The following STRBP variants were observed in gnomAD, a reference collection of about 807,000 sequenced individuals.
STRBP encodes the protein spermatid perinuclear RNA-binding protein.
In STRBP, 13 loss-of-function variants were observed where a neutral mutation model predicts 80.1. The observed-to-expected ratio is 0.16, with a 90% confidence interval of 0.11 to 0.26. The LOEUF (loss-of-function observed/expected upper bound fraction) is 0.26. Among genes scored for constraint, STRBP ranks in the 10% least tolerant of loss-of-function variants. The probability of loss-of-function intolerance (pLI) is 1.00; values close to 1 mark genes in which losing one functional copy is unlikely to be tolerated. For missense variants in STRBP, 485 were observed against 815.2 expected, an observed-to-expected ratio of 0.59 and a Z score of 4.93; for synonymous variants, 284 against 291.2, an observed-to-expected ratio of 0.98 and a Z score of 0.25.
rs994589454 is a variant in STRBP at position 123,136,600 on chromosome 9, G to A, written c.1498-85C>T. 2.7e-6 allele frequency: 4 copies of A among 1,488,152 alleles called. No homozygotes were observed. The highest frequency in any genetic ancestry group is 2.2e-5 in the Admixed American group (1 of 45,642). The allele number at this position is 1,488,152 out of a possible 1,614,324, so 92.2% of individuals were successfully genotyped here. A position where few individuals can be genotyped will look rare whatever the true frequency, so the allele number is the denominator to read the frequency against. On this transcript the variant is annotated intron_variant, in intron 14 of 18. Coordinates refer to ENST00000348403, the MANE Select transcript of STRBP (RefSeq NM_018387.5). The surrounding 1 kb of genome is among the most constrained non-coding windows in gnomAD (Gnocchi z 4.2). The stretch of plus-strand genomic sequence containing the variant: ...TTATTAATACAATTATGCTAAGAAG[G>A]AGGCTCAAAAATTCTACTTCAAAGC...
intron 3 of STRBP, chr9:123,113,641 C>G (rs761722298): frequency 1.2e-5 from 2 of 167,184 alleles, no homozygotes; most frequent in African/African-American, 4.8e-5. Flanking sequence ...AGTGCTCACA[C>G]GGAGGAGATG....
At chr9:123,132,641 C>T (rs528744927) in intron 17 of STRBP, among the ~76,000 whole-genome samples, 1 of 152,298 alleles carries the variant, frequency 6.6e-6, no homozygotes, top group South Asian at 2.1e-4. Context: ...CTGTCATCTC[C>T]CTCCAGGTAG....
chr9:123,196,504 A>T (rs1196096841), intron 2 of STRBP, among the ~76,000 whole-genome samples: 1 of 152,148 alleles, frequency 6.6e-6, no homozygotes, highest in African/African-American at 2.4e-5. Flanking sequence ...TTAATAACCA[A>T]AATATACAGG....
In STRBP at chr9:123,152,124, T is replaced by C. The variant is rs141989903; in HGVS notation, c.1046-4254A>G. On this transcript the variant is annotated intron_variant, in intron 11 of 18. Transcript: ENST00000348403. ...CTGTCCTAAGAAGATGGAAGTCCTA[T>C]GCTTATTAAGGGAATCAGATCCGTA... is the stretch of plus-strand genomic sequence containing the variant. 5.5e-4 allele frequency among the ~76,000 whole-genome samples: 84 copies of C among 152,282 alleles called. 2 individuals carry two copies. The East Asian group carries it at 0.015, about 27-fold the overall frequency.
rs1035255937 is a variant in STRBP at position 123,248,264 on chromosome 9, T to G, written c.-301-11298A>C. 1.5e-4 allele frequency among the ~76,000 whole-genome samples: 21 copies of G among 138,642 alleles called. No homozygotes were observed. In the East Asian group the frequency reaches 4.2e-3, roughly 27 times the overall value. 91.0% of individuals were successfully genotyped at this position (138,642 alleles called of 152,430 possible). A position where few individuals can be genotyped will look rare whatever the true frequency, so the allele number is the denominator to read the frequency against. ...AGACTTCTCCCACCCCTATCGTGTT[T>G]TTTTTTTTTTTTTTTTTTTTTGAGA... On this transcript the variant is annotated intron_variant, in intron 1 of 18. Coordinates refer to ENST00000348403, the MANE Select transcript of STRBP (RefSeq NM_018387.5).
chr9:123,261,244 T>C (rs892647859), intron 1 of STRBP, among the ~76,000 whole-genome samples: 1 of 152,178 alleles, frequency 6.6e-6, no homozygotes, highest in Non-Finnish European at 1.5e-5. Context: ...GACTAAGCAT[T>C]ATCCCATTCA....
At chr9:123,204,219 G>C (rs545659395) in intron 2 of STRBP, among the ~76,000 whole-genome samples, 109 of 152,298 alleles carry the variant, frequency 7.2e-4, no homozygotes, top group Middle Eastern at 3.4e-3. Flanking sequence ...AAGCAGTAAA[G>C]AACAGATAAA....
intron 13 of STRBP, among the ~76,000 whole-genome samples, chr9:123,142,394 A>G (rs1344586128): frequency 6.6e-6 from 1 of 152,094 alleles, no homozygotes; most frequent in Non-Finnish European, 1.5e-5. Context: ...AGAAGTCACT[A>G]TGCTTTCTGT....
chr9:123,125,883 CA>C (rs1219918929), intron 18 of STRBP, among the ~76,000 whole-genome samples: 4 of 152,192 alleles, frequency 2.6e-5, no homozygotes, highest in Admixed American at 1.3e-4. Context: ...TTTCCACTCT[CA>C]AAATCAGGAT....
intron 5 of STRBP, among the ~76,000 whole-genome samples, chr9:123,171,072 C>T (rs919606473): frequency 6.6e-6 from 1 of 151,960 alleles, no homozygotes; most frequent in Non-Finnish European, 1.5e-5. Flanking sequence ...GATAAAAGAA[C>T]CAGAATATAA....
At chr9:123,250,964 A>G (rs1397025429) in intron 1 of STRBP, among the ~76,000 whole-genome samples, 1 of 152,110 alleles carries the variant, frequency 6.6e-6, no homozygotes, top group Non-Finnish European at 1.5e-5. Flanking sequence ...AAAACAAAAA[A>G]CAAAAAATTT....
At chr9:123,189,180 AC>A in intron 2 of STRBP, among the ~76,000 whole-genome samples, 1 of 151,768 alleles carries the variant, frequency 6.6e-6, no homozygotes, top group South Asian at 2.1e-4. Context: ...GAAGCTGGAA[AC>A]CATCATTCTC....
At position 123,110,418 on chromosome 9, in the gene STRBP, T is replaced by C. The variant is rs1484477751; in HGVS notation, c.*85-665A>G. 5.9e-6 allele frequency: 1 copy of C among 169,046 alleles called. No individual in the cohort carries two copies. Among genetic ancestry groups the C allele is most frequent in the African/African-American group, 2.4e-5 (1 of 41,476 alleles). The allele number at this position is 169,046 out of a possible 1,614,324, so 10.5% of individuals were successfully genotyped here. A position where few individuals can be genotyped will look rare whatever the true frequency, so the allele number is the denominator to read the frequency against. ...ACGATTGCCCTAATTTATGGTTACC[T>C]CAGGAAACCTTCTTTTGAAGAAGTG... On this transcript the variant is annotated intron_variant and NMD_transcript_variant, in intron 3 of 3. Coordinates refer to the STRBP transcript ENST00000471564. The surrounding 1 kb of genome is among the most constrained non-coding windows in gnomAD (Gnocchi z 4.1).
chr9:123,136,501 G>A lies in STRBP; in HGVS notation c.1512C>T (p.Gly504=). Reference sequence around the variant, plus strand: ...TTTTGCCACTTGCTGTGAGGATAGGGCCCTGAGTTCTTACCTATAAGAGAA... The same window carrying A: ...TTTTGCCACTTGCTGTGAGGATAGGACCCTGAGTTCTTACCTATAAGAGAA... ...TSSTLEVRTQ[G]PILTASGKNP... is the part of the protein sequence containing the mutation. The change falls in exon 15 of 19, where the codon GGC becomes GGT. Residue 504 remains glycine, a synonymous_variant. Transcript: ENST00000348403. This position sits in a 1 kb window ranked among gnomAD's most constrained non-coding sequence, Gnocchi z 4.2. 6.2e-7 allele frequency: 1 copy of A among 1,613,986 alleles called. No individual in the cohort carries two copies. The highest frequency in any genetic ancestry group is 8.5e-7 in the Non-Finnish European group (1 of 1,179,970).
intron 1 of STRBP, among the ~76,000 whole-genome samples, chr9:123,258,549 A>T (rs2041085869): frequency 6.6e-6 from 1 of 152,158 alleles, no homozygotes; most frequent in Admixed American, 6.5e-5. Flanking sequence ...CACGCCTGTA[A>T]TCCCAGCACT....
intron 2 of STRBP, among the ~76,000 whole-genome samples, chr9:123,188,660 C>T (rs2038799422): frequency 2.6e-5 from 4 of 151,968 alleles, no homozygotes; most frequent in Admixed American, 2.6e-4. Context: ...AAATAAAAAT[C>T]TCAAAACCAA....
rs117520184 is a variant in STRBP, at chr9:123,122,086, C to A, written c.*3511G>T. 5 of 211,686 alleles carry A rather than the reference C, an allele frequency of 2.4e-5. No homozygotes were observed. Among genetic ancestry groups the A allele is most frequent in the Non-Finnish European group, 4.8e-5 (5 of 103,984 alleles). 13.1% of individuals were successfully genotyped at this position (211,686 alleles called of 1,614,324 possible). On this transcript the variant is annotated 3_prime_UTR_variant, in exon 19 of 19. Coordinates refer to ENST00000348403, the MANE Select transcript of STRBP (RefSeq NM_018387.5). The stretch of plus-strand genomic sequence containing the variant: ...GACCATACAATTTTTAAAGGTAATG[C>A]GATGACATATGACCTAAGAGATCAA...
At position 123,124,881 on chromosome 9, in the gene STRBP, G is replaced by A; in HGVS notation, c.*716C>T. On this transcript the variant is annotated 3_prime_UTR_variant, in exon 19 of 19. Transcript: ENST00000348403. ...CCCTTGTACAACAGGAGTACAAAGG[G>A]CTTACAAAGTGAGTAGACTGGCTCA... 3 of 985,502 alleles carry A rather than the reference G, an allele frequency of 3.0e-6. No individual in the cohort carries two copies. The highest frequency in any genetic ancestry group is 3.6e-6 in the Non-Finnish European group (3 of 829,918). 61.0% of individuals were successfully genotyped at this position (985,502 alleles called of 1,614,324 possible). A position where few individuals can be genotyped will look rare whatever the true frequency, so the allele number is the denominator to read the frequency against.
chr9:123,262,878 A>G (rs1009285974), intron 1 of STRBP, among the ~76,000 whole-genome samples: 4 of 152,244 alleles, frequency 2.6e-5, no homozygotes, highest in African/African-American at 9.6e-5. Flanking sequence ...ACTAAAAGCT[A>G]TATTAAAGAT....
Sources: allele counts gnomAD v4.1 joint callset (sites outside exome capture counted in the v4.1 genomes callset), GRCh38; gene constraint gnomAD v4.1.1; non-coding constraint Gnocchi (gnomAD v3.1); transcripts MANE v1.5; gene names NCBI Gene and HGNC (gene_info 2026-07-23, HGNC 2026-07-21).